CDK13: variants seen among roughly 807,000 people sequenced by gnomAD.
CDK13 encodes cyclin-dependent kinase 13.
Under a neutral mutation model 137.6 loss-of-function variants are expected in CDK13, and 40 were observed. The ratio of observed to expected loss-of-function variants is 0.29; its 90% CI spans 0.23 to 0.38. The LOEUF (loss-of-function observed/expected upper bound fraction) is 0.38, where lower values mean the gene tolerates loss of function less well. Ranked by LOEUF, CDK13 falls within the 10% of genes least tolerant of loss-of-function variation. The pLI is 1.00. For synonymous variants in CDK13, 869 were observed against 760.1 expected (o/e 1.14, Z -2.36); for missense variants, 1,704 against 1,951.8 (o/e 0.87, Z 2.39).
At chr7:40,080,820 G>A (rs1272762195) in intron 11 of CDK13, among the ~76,000 whole-genome samples, 1 of 152,064 alleles carries the variant, frequency 6.6e-6, no homozygotes, top group Non-Finnish European at 1.5e-5. Flanking sequence ...CTTTTTTCCT[G>A]AACTAGTTGG....
At chr7:40,026,145 C>T (rs1785237352) in intron 5 of CDK13, among the ~76,000 whole-genome samples, 1 of 152,184 alleles carries the variant, frequency 6.6e-6, no homozygotes, top group African/African-American at 2.4e-5. Context: ...TTGGTTATGG[C>T]CACTATATCT....
At chr7:40,037,744 C>G (rs1785516412) in intron 5 of CDK13, among the ~76,000 whole-genome samples, 1 of 152,150 alleles carries the variant, frequency 6.6e-6, no homozygotes, top group African/African-American at 2.4e-5. Context: ...AGCCCTGGTT[C>G]CTAAAATATT....
intron 1 of CDK13, among the ~76,000 whole-genome samples, chr7:39,977,792 C>G (rs978359436): frequency 2.0e-5 from 3 of 151,868 alleles, no homozygotes; most frequent in African/African-American, 7.3e-5. Flanking sequence ...TGCACTGGGC[C>G]CAGTGTGTGA....
chr7:40,010,069 G>T (rs1670272790), intron 5 of CDK13, among the ~76,000 whole-genome samples: 1 of 152,030 alleles, frequency 6.6e-6, no homozygotes, highest in Non-Finnish European at 1.5e-5. Context: ...TGGTTTTGGG[G>T]TGATTCAAGC....
chr7:40,092,626 C>A, intron 12 of CDK13, 159 bp from the exon 13 acceptor site: 1 of 598,544 alleles, frequency 1.7e-6, no homozygotes, highest in Non-Finnish European at 2.9e-6. Context: ...TTTAAATGTA[C>A]ATGATATTTA....
intron 5 of CDK13, among the ~76,000 whole-genome samples, chr7:40,031,248 G>A (rs1785371318): frequency 6.6e-6 from 1 of 152,196 alleles, no homozygotes; most frequent in African/African-American, 2.4e-5. Flanking sequence ...AAGGCCGGGT[G>A]TGGTGGCTCA....
At chr7:40,050,929 ATGT>A (rs1260904850) in intron 7 of CDK13, among the ~76,000 whole-genome samples, 1 of 152,232 alleles carries the variant, frequency 6.6e-6, no homozygotes, top group African/African-American at 2.4e-5. Flanking sequence ...TGGAATAGAT[ATGT>A]TTCAGAAAAG....
At chr7:40,001,710 ATAT>A (rs1784689438) in intron 4 of CDK13, 148 bp from the exon 5 acceptor site, 2 of 636,768 alleles carry the variant, frequency 3.1e-6, no homozygotes, top group Admixed American at 2.8e-5. Flanking sequence ...TGAACTATAA[ATAT>A]TATTTGGTAT....
At chr7:40,018,825 TCAC>T (rs1169326598) in intron 5 of CDK13, among the ~76,000 whole-genome samples, 3 of 152,072 alleles carry the variant, frequency 2.0e-5, no homozygotes, top group Non-Finnish European at 2.9e-5. Context: ...ATTTCATACT[TCAC>T]CGCTATACAA....
Position 40,095,961 on chromosome 7 carries a change from T to C in CDK13, c.*981T>C, listed in dbSNP as rs552829196. ...ATTGTTTGAGAAGTTCTACAAAGTT[T>C]TGTCATTTAAATGGTTGAAAGTAAT... is the stretch of plus-strand genomic sequence containing the variant. On this transcript the variant is annotated 3_prime_UTR_variant, in exon 14 of 14. Coordinates refer to ENST00000181839, the MANE Select transcript of CDK13 (RefSeq NM_003718.5). 6.6e-6 allele frequency: 1 copy of C among 152,272 alleles called. No homozygotes were observed. Among genetic ancestry groups the C allele is most frequent in the African/African-American group, 2.4e-5 (1 of 41,564 alleles). 9.4% of individuals were successfully genotyped at this position (152,272 alleles called of 1,614,324 possible).
chr7:40,007,735 G>C (rs1275724527), intron 5 of CDK13, among the ~76,000 whole-genome samples: 1 of 152,058 alleles, frequency 6.6e-6, no homozygotes, highest in Admixed American at 6.6e-5. Flanking sequence ...GCCATAACTT[G>C]TATTTTCATA....
intron 5 of CDK13, among the ~76,000 whole-genome samples, chr7:40,033,447 G>A (rs1438484647): frequency 6.6e-6 from 1 of 152,158 alleles, no homozygotes; most frequent in Non-Finnish European, 1.5e-5. Context: ...GTTTTAGCGT[G>A]CTTTAAAATT....
rs1787169729 is a variant in CDK13, at chr7:39,951,188, T to G, written c.547T>G (p.Ser183Ala). The G allele has an allele frequency of 2.4e-6, 3 of 1,245,762 alleles. No individual in the cohort carries two copies. Among genetic ancestry groups the G allele is most frequent in the African/African-American group, 1.6e-5 (1 of 64,106 alleles). 77.2% of individuals were successfully genotyped at this position (1,245,762 alleles called of 1,614,324 possible). The stretch of plus-strand genomic sequence containing the variant: ...GGGGGGCAGCGGCGGGAGTCCGGCC[T>G]CCTCCTCCGGCACCCAGCGGCGCGG... ...GTGGSGGSPA[S>A]SSGTQRRGEG... The change falls in exon 1 of 14, where the codon TCC becomes GCC. Residue 183 changes from serine (S) to alanine (A), a missense_variant. Ser to Ala is a moderately conservative substitution (Grantham distance 99, BLOSUM62 1). Transcript: ENST00000181839.
intron 5 of CDK13, among the ~76,000 whole-genome samples, chr7:40,004,432 G>GGTAC (rs765974834): frequency 2.0e-5 from 3 of 152,110 alleles, no homozygotes; most frequent in East Asian, 3.9e-4. Context: ...GTTACATGTA[G>GGTAC]GTACCTAGAA....
intron 7 of CDK13, among the ~76,000 whole-genome samples, chr7:40,056,700 C>T (rs12533272): frequency 0.51 from 77,405 of 152,076 alleles, 20,716 homozygotes; most frequent in African/African-American, 0.68. Flanking sequence ...AATAGGATGA[C>T]TATAGCTAGA....
intron 5 of CDK13, among the ~76,000 whole-genome samples, chr7:40,038,591 A>G (rs113012603): frequency 1.3e-4 from 20 of 152,270 alleles, no homozygotes; most frequent in African/African-American, 3.6e-4. Context: ...TCTACTACCA[A>G]TGTATGAAAG....
At chr7:39,986,507 C>T (rs1338969913) in intron 1 of CDK13, 1 of 152,188 alleles carries the variant, frequency 6.6e-6, no homozygotes, top group Non-Finnish European at 1.5e-5. Context: ...CTATTTGTGG[C>T]ATAGTTCTTT....
chr7:39,992,163 G>GGGGTGTGTGTGTGTGTGTGT (rs550297232), intron 2 of CDK13, among the ~76,000 whole-genome samples: 3 of 146,310 alleles, frequency 2.1e-5, no homozygotes, highest in Non-Finnish European at 3.0e-5. Flanking sequence ...AACTAATGAG[G>GGGGTGTGTGTGTGTGTGTGT]GTGTGTGTGT....
At chr7:40,002,226 G>T in intron 5 of CDK13, 195 bp downstream of exon 5, 2 of 416,984 alleles carry the variant, frequency 4.8e-6, no homozygotes, top group Non-Finnish European at 8.5e-6. Context: ...CTTCGTAAAG[G>T]GTATTTGCCA....
Sources: gnomAD v4.1 joint callset for allele counts (sites outside exome capture counted in the v4.1 genomes callset) on GRCh38, gnomAD v4.1.1 for gene constraint, MANE v1.5 for transcripts, NCBI Gene and HGNC (gene_info 2026-07-23, HGNC 2026-07-21) for gene names.